PYY: variants seen among roughly 807,000 people sequenced by gnomAD.
PYY encodes the protein peptide YY, also known as peptide tyrosine tyrosine.
In PYY, 12 loss-of-function variants were observed where a neutral mutation model predicts 10.3. The ratio of observed to expected loss-of-function variants is 1.17; its 90% CI spans 0.75 to 1.89. The LOEUF is 1.89. PYY is among the 40% of genes most tolerant of loss of function. The pLI is 0.00. For missense variants in PYY, 141 were observed against 134.0 expected (o/e 1.05, Z -0.26); for synonymous variants, 66 against 62.0 (o/e 1.06, Z -0.30).
upstream of PYY, among the ~76,000 whole-genome samples, chr17:43,957,261 G>A (rs991413437): frequency 2.0e-5 from 3 of 151,982 alleles, no homozygotes; most frequent in Admixed American, 6.6e-5. Flanking sequence ...CCTGCTGTGT[G>A]CCAGGCACTG....
chr17:43,975,877 CGTACGT>C (rs2048828536), intron 1 of PYY, among the ~76,000 whole-genome samples: 2 of 5,892 alleles, frequency 3.4e-4, no homozygotes, highest in Non-Finnish European at 1.0e-3. Flanking sequence ...CACGTGTCTA[CGTACGT>C]GTACATACAC....
At chr17:43,959,478 A>G (rs1460047228) in intron 2 of PYY, among the ~76,000 whole-genome samples, 1 of 152,228 alleles carries the variant, frequency 6.6e-6, no homozygotes, top group Non-Finnish European at 1.5e-5. Flanking sequence ...TGAAGCCAGG[A>G]GTTTGAGACC....
chr17:43,953,295 C>A lies in PYY; in HGVS notation c.188+1G>T. 1 of 1,611,752 alleles carries A rather than the reference C, an allele frequency of 6.2e-7. No individual in the cohort carries two copies. Among genetic ancestry groups the A allele is most frequent in the Non-Finnish European group, 8.5e-7 (1 of 1,178,894 alleles). On this transcript the variant is annotated splice_donor_variant, in intron 2 of 3. Transcript: ENST00000692052. LOFTEE classifies it high-confidence loss of function. ...GGGTCCCGCTCCGCGCCTGCGCTCA[C>A]CGCTGCCGGGTGACCAGGTTGAGGT...
chr17:43,965,435 C>A (rs2048747416), intron 2 of PYY, among the ~76,000 whole-genome samples: 2 of 149,544 alleles, frequency 1.3e-5, no homozygotes, highest in South Asian at 4.2e-4. Flanking sequence ...GAGCCGAGAT[C>A]ATGCCATTGC....
chr17:43,976,273 G>A lies in PYY; in HGVS notation c.-462-9741C>T, dbSNP rs535375795. ...CATATGTATACATGTATACATGTAC[G>A]TATATATACGCATATGTATACATGT... is the stretch of plus-strand genomic sequence containing the variant. On this transcript the variant is annotated intron_variant, in intron 1 of 6. Transcript: ENST00000360085. Among the ~76,000 whole-genome samples the A allele has an allele frequency of 9.7e-3, 1,008 of 103,986 alleles. 143 individuals are homozygous for A. The highest frequency in any genetic ancestry group is 0.04 in the African/African-American group (945 of 23,452). 68.2% of individuals were successfully genotyped at this position (103,986 alleles called of 152,430 possible). A position where few individuals can be genotyped will look rare whatever the true frequency, so the allele number is the denominator to read the frequency against.
intron 2 of PYY, among the ~76,000 whole-genome samples, chr17:43,963,606 G>GAA (rs2048731885): frequency 4.4e-5 from 4 of 89,912 alleles, no homozygotes; most frequent in Non-Finnish European, 1.1e-4. Flanking sequence ...AAGAAAGAAA[G>GAA]AAAGAAAGAA....
intron 1 of PYY, among the ~76,000 whole-genome samples, chr17:43,982,957 C>A (rs947238945): frequency 1.3e-5 from 2 of 152,038 alleles, no homozygotes; most frequent in Admixed American, 1.3e-4. Flanking sequence ...GGAGGCCGGG[C>A]GTGGTGGTTC....
intron 1 of PYY, among the ~76,000 whole-genome samples, chr17:43,977,822 T>C (rs1039468056): frequency 1.3e-5 from 2 of 152,114 alleles, no homozygotes; most frequent in African/African-American, 4.8e-5. Context: ...AGATTTCCTC[T>C]AGAACAAGGA....
chr17:43,966,348 G>T (rs1356332220), exon 2 of PYY: 1 of 153,080 alleles, frequency 6.5e-6, no homozygotes, highest in Non-Finnish European at 1.5e-5. Flanking sequence ...TCCATGAATG[G>T]TATCTCCATC....
chr17:43,989,184 C>T (rs916577280), intron 1 of PYY, among the ~76,000 whole-genome samples: 102 of 151,932 alleles, frequency 6.7e-4, no homozygotes, highest in Non-Finnish European at 4.7e-4. Flanking sequence ...ACCATCCTGG[C>T]TAACACGGTG....
intron 1 of PYY, among the ~76,000 whole-genome samples, chr17:43,982,188 A>G (rs2048887982): frequency 6.6e-6 from 1 of 152,174 alleles, no homozygotes; most frequent in South Asian, 2.1e-4. Context: ...CCAACTCTGA[A>G]TGACAGGTCA....
intron 1 of PYY, among the ~76,000 whole-genome samples, chr17:43,977,594 C>T (rs1436486083): frequency 2.0e-5 from 3 of 152,074 alleles, no homozygotes; most frequent in Non-Finnish European, 4.4e-5. Flanking sequence ...CCCCTTTGTC[C>T]CTCTGTCCAC....
chr17:43,989,177 A>G (rs1177887005), intron 1 of PYY, among the ~76,000 whole-genome samples: 2 of 151,940 alleles, frequency 1.3e-5, no homozygotes, highest in East Asian at 2.0e-4. Flanking sequence ...GATCAAGACC[A>G]TCCTGGCTAA....
intron 1 of PYY, among the ~76,000 whole-genome samples, chr17:43,977,198 G>C (rs1214687155): frequency 6.6e-6 from 1 of 152,194 alleles, no homozygotes; most frequent in Non-Finnish European, 1.5e-5. Flanking sequence ...GGGGGAGAGG[G>C]AGGCAGGGAT....
chr17:44,003,587 G>A (rs757395478), intron 1 of PYY, among the ~76,000 whole-genome samples: 2 of 150,896 alleles, frequency 1.3e-5, no homozygotes, highest in African/African-American at 2.4e-5. Flanking sequence ...CCCAGAAGGC[G>A]GGGATTACAG....
chr17:43,995,652 G>GGT (rs1330081826), intron 1 of PYY, among the ~76,000 whole-genome samples: 1 of 152,052 alleles, frequency 6.6e-6, no homozygotes, highest in Non-Finnish European at 1.5e-5. Context: ...TGACCAACAT[G>GGT]GTGAAACCCC....
chr17:44,003,054 T>C (rs1489634394), intron 1 of PYY, among the ~76,000 whole-genome samples: 1 of 152,198 alleles, frequency 6.6e-6, no homozygotes, highest in African/African-American at 2.4e-5. Flanking sequence ...TTTAATTTTT[T>C]TGAGACAGGG....
chr17:43,971,485 A>G (rs2700828), intron 1 of PYY, among the ~76,000 whole-genome samples: 124,719 of 151,390 alleles, frequency 0.82, 51,682 homozygotes, highest in East Asian at 1. Flanking sequence ...CAAGAGAATC[A>G]CTTGAACCTG....
chr17:43,972,793 C>T (rs532916169), intron 1 of PYY, among the ~76,000 whole-genome samples: 39 of 152,004 alleles, frequency 2.6e-4, no homozygotes, highest in African/African-American at 9.4e-4. Context: ...CTCGGTTCAC[C>T]GCAACCTCCG....
Sources: allele counts gnomAD v4.1 joint callset (sites outside exome capture counted in the v4.1 genomes callset), GRCh38; gene constraint gnomAD v4.1.1; transcripts MANE v1.5; gene names NCBI Gene and HGNC (gene_info 2026-07-23, HGNC 2026-07-21).